Variants in GPSM2 observed in about 807,000 individuals in gnomAD.
GPSM2 encodes G protein-signaling modulator 2.
Under a neutral mutation model 78.4 loss-of-function variants are expected in GPSM2, and 58 were observed. The ratio of observed to expected loss-of-function variants is 0.74; its 90% CI spans 0.60 to 0.92. The LOEUF is 0.92. Ranked by LOEUF, GPSM2 falls within the 40% of genes least tolerant of loss-of-function variation. The probability of loss-of-function intolerance (pLI) is 0.00; values close to 1 mark genes in which losing one functional copy is unlikely to be tolerated. For missense variants in GPSM2, 700 were observed against 815.5 expected (o/e 0.86, Z 1.73); for synonymous variants, 224 against 280.2 (o/e 0.80, Z 2.00).
chr1:108,898,146 C>T (rs550176204), intron 5 of GPSM2, 45 bp downstream of exon 5: 51 of 1,573,328 alleles, frequency 3.2e-5, no homozygotes, highest in African/African-American at 4.0e-5. Context: ...CCATCTAAGC[C>T]GTGGATCTGC....
At chr1:108,902,290 A>G (rs895952598) in intron 8 of GPSM2, among the ~76,000 whole-genome samples, 2 of 151,930 alleles carry the variant, frequency 1.3e-5, no homozygotes, top group Admixed American at 1.3e-4. Context: ...CTGAGGCAGG[A>G]GAATCGCTTG....
At position 108,918,782 on chromosome 1, in the gene GPSM2, C is replaced by G. The variant is rs377461910; in HGVS notation, c.1433C>G (p.Ser478Cys). The change falls in exon 12 of 15, where the codon TCT becomes TGT. Residue 478 changes from serine to cysteine, a missense_variant. By Grantham distance (112) the Ser-to-Cys change is moderately radical. Coordinates refer to ENST00000264126, the MANE Select transcript of GPSM2 (RefSeq NM_013296.5). ...SNSIDHRIPN[S>C]QRKISADTIG... is the part of the protein sequence containing the mutation. ...TCTATTGACCACCGAATTCCAAATT[C>G]TCAGAGGGTACGTTTAAACTAAGTT... The G allele has an allele frequency of 6.2e-7, 1 of 1,610,362 alleles. No individual in the cohort carries two copies. The highest frequency in any genetic ancestry group is 1.1e-5 in the South Asian group (1 of 90,994).
chr1:108,879,015 T>G (rs186283197), intron 1 of GPSM2, among the ~76,000 whole-genome samples: 1 of 152,374 alleles, frequency 6.6e-6, no homozygotes, highest in Admixed American at 6.5e-5. Flanking sequence ...CAAGTTCTAC[T>G]TTAAAGATGC....
intron 11 of GPSM2, 52 bp from the exon 12 acceptor site, chr1:108,918,561 G>A: frequency 3.0e-6 from 4 of 1,317,378 alleles, no homozygotes; most frequent in Non-Finnish European, 4.4e-6. Context: ...CCAGAAGAGA[G>A]CTGGGGATTT....
chr1:108,882,511 T>A (rs1364654083), intron 1 of GPSM2: 1 of 152,188 alleles, frequency 6.6e-6, no homozygotes, highest in Non-Finnish European at 1.5e-5. Flanking sequence ...ACATGTTCAG[T>A]AGAGACACAA....
chr1:108,897,616 C>G lies in GPSM2; in HGVS notation c.403C>G (p.Leu135Val). Residue 135 changes from leucine to valine, a missense_variant, in exon 4 of 15, where the codon CTT (leucine) becomes GTT (valine). Leu to Val is a conservative substitution (Grantham distance 32, BLOSUM62 1). Transcript: ENST00000264126. ...GCGACACCTAGATATTTCCAGAGAG[C>G]TTAATGACAAGGTAATACCGCAGCA... ...CQRHLDISRELNDKVGEARAL... is the reference protein window; with the variant it reads ...CQRHLDISREVNDKVGEARAL... 6.2e-7 allele frequency: 1 copy of G among 1,613,508 alleles called. No homozygotes were observed. Among genetic ancestry groups the G allele is most frequent in the Non-Finnish European group, 8.5e-7 (1 of 1,179,654 alleles).
intron 10 of GPSM2, among the ~76,000 whole-genome samples, chr1:108,908,371 A>G: frequency 6.7e-6 from 1 of 148,152 alleles, no homozygotes; most frequent in South Asian, 2.1e-4. Context: ...ACTCTGTCTC[A>G]AAAACAAAAA....
intron 14 of GPSM2, among the ~76,000 whole-genome samples, chr1:108,924,529 G>T (rs1298670773): frequency 6.6e-6 from 1 of 152,152 alleles, no homozygotes; most frequent in Non-Finnish European, 1.5e-5. Context: ...GGATAAAGGG[G>T]TAGTGGGTAA....
intron 1 of GPSM2, among the ~76,000 whole-genome samples, chr1:108,883,160 C>T (rs1190591921): frequency 6.6e-6 from 1 of 152,206 alleles, no homozygotes; most frequent in Non-Finnish European, 1.5e-5. Context: ...TTCTTGCAGG[C>T]TAAACTTGTT....
Position 108,929,869 on chromosome 1 carries a change from C to T in GPSM2, c.1984C>T (p.Leu662=). Residue 662 remains leucine (L), a synonymous_variant, in exon 15 of 15, where the codon CTA becomes TTA. Transcript: ENST00000264126. The part of the protein sequence containing the change: ...RDQNRDTDFG[L]KDFLQNNALL... Reference sequence around the variant, plus strand: ...TCAAAACAGAGACACTGACTTTGGGCTAAAGGACTTTTTGCAAAATAATGC... The same window carrying T: ...TCAAAACAGAGACACTGACTTTGGGTTAAAGGACTTTTTGCAAAATAATGC... 6.2e-7 allele frequency: 1 copy of T among 1,613,692 alleles called. No individual in the cohort carries two copies. Among genetic ancestry groups the T allele is most frequent in the East Asian group, 2.2e-5 (1 of 44,860 alleles).
Position 108,927,835 on chromosome 1 carries a change from C to T in GPSM2, c.1816-1866C>T, listed in dbSNP as rs575085730. Among the ~76,000 whole-genome samples the T allele has an allele frequency of 2.0e-5, 3 of 152,170 alleles. 1 individual carries two copies. Among genetic ancestry groups the T allele is most frequent in the African/African-American group, 7.2e-5 (3 of 41,508 alleles). On this transcript the variant is annotated intron_variant, in intron 14 of 14. Transcript: ENST00000264126. ...AAAATTTTTTTAAATTAATGGCACA[C>T]ACCTGTAGTCCCAGCTACACAGGAG...
intron 10 of GPSM2, among the ~76,000 whole-genome samples, chr1:108,906,208 C>G (rs1486118242): frequency 6.6e-6 from 1 of 152,068 alleles, no homozygotes; most frequent in African/African-American, 2.4e-5. Context: ...AACTAGGGGT[C>G]ATACTTGTTC....
chr1:108,928,173 AC>A (rs1339581043), intron 14 of GPSM2, among the ~76,000 whole-genome samples: 1 of 152,276 alleles, frequency 6.6e-6, no homozygotes, highest in Admixed American at 6.5e-5. Context: ...AAGGATTAAT[AC>A]CCAGAATATA....
In GPSM2 at chr1:108,918,610, T is replaced by C; in HGVS notation, c.1264-3T>C. The C allele has an allele frequency of 6.2e-6, 10 of 1,609,708 alleles. No individual in the cohort carries two copies. Among genetic ancestry groups the C allele is most frequent in the Non-Finnish European group, 8.5e-6 (10 of 1,176,056 alleles). On this transcript the variant is annotated splice_region_variant and splice_polypyrimidine_tract_variant and intron_variant, in intron 11 of 14. Transcript: ENST00000264126. ...CACCTGCCTTCCATTTATAATTTTGTAGGTACAGAACTGGAACAGTGAAAT... is the reference window on the plus strand; with the variant it reads ...CACCTGCCTTCCATTTATAATTTTGCAGGTACAGAACTGGAACAGTGAAAT...
chr1:108,915,213 A>G (rs1429076910), intron 11 of GPSM2, among the ~76,000 whole-genome samples: 1 of 151,454 alleles, frequency 6.6e-6, no homozygotes, highest in Middle Eastern at 3.4e-3. Flanking sequence ...TTTACTAAAA[A>G]TACAAAAATT....
chr1:108,883,780 C>T (rs1197325374), intron 1 of GPSM2, among the ~76,000 whole-genome samples: 1 of 151,948 alleles, frequency 6.6e-6, no homozygotes, highest in African/African-American at 2.4e-5. Flanking sequence ...TCTTTCTCAC[C>T]CTCCTATTAG....
chr1:108,917,038 C>T (rs1263835030), intron 11 of GPSM2, among the ~76,000 whole-genome samples: 2 of 152,200 alleles, frequency 1.3e-5, no homozygotes, highest in Non-Finnish European at 2.9e-5. Context: ...TAAGACATTG[C>T]TTCGCCCTGT....
In GPSM2 at chr1:108,924,212, C is replaced by T; in HGVS notation, c.1813C>T (p.Gln605Ter). The change falls in exon 14 of 15, where the codon CAA becomes TAA. Residue 605 changes from glutamine (Q) to a stop codon, truncating the protein, a stop_gained and splice_region_variant. Transcript: ENST00000264126. LOFTEE classifies it high-confidence loss of function. ...TTTCTTTGACATCCTTGTAAAATGT[C>T]AAGTATGTCTGTATATTTTTTTCGT... ...EDFFDILVKC[Q>*]GSRLDDQRCA... 3 of 1,595,298 alleles carry T rather than the reference C, an allele frequency of 1.9e-6. No individual in the cohort carries two copies. Among genetic ancestry groups the T allele is most frequent in the Non-Finnish European group, 2.6e-6 (3 of 1,162,938 alleles).
rs558326262 is a variant in GPSM2 at position 108,894,982 on chromosome 1, CA to C, written c.57-1877del. The stretch of plus-strand genomic sequence containing the variant: ...TTTGCAGACTGAAAAACAGCACTCA[CA>C]AAAACATGTTAATTGATCTACCACT... On this transcript the variant is annotated intron_variant, in intron 2 of 14. Transcript: ENST00000264126. Among the ~76,000 whole-genome samples the C allele has an allele frequency of 1.9e-3, 283 of 152,198 alleles. 1 individual carries two copies. Among genetic ancestry groups the C allele is most frequent in the Admixed American group, 5.5e-3 (84 of 15,294 alleles).
Sources: gnomAD v4.1 joint callset for allele counts (sites outside exome capture counted in the v4.1 genomes callset) on GRCh38, gnomAD v4.1.1 for gene constraint, MANE v1.5 for transcripts, NCBI Gene and HGNC (gene_info 2026-07-23, HGNC 2026-07-21) for gene names.